Variants in CEP63 observed in about 807,000 individuals in gnomAD.
CEP63 encodes the protein centrosomal protein 63, also known as centrosomal protein of 63 kDa.
A neutral mutation model predicts 89.1 loss-of-function variants in CEP63; 84 were observed. The ratio of observed to expected loss-of-function variants is 0.94; its 90% CI spans 0.79 to 1.13. The LOEUF (loss-of-function observed/expected upper bound fraction) is 1.13, where lower values mean the gene tolerates loss of function less well. Among genes scored for constraint, CEP63 ranks in the 50% most tolerant of loss-of-function variants. CEP63 has a pLI of 0.00. For missense variants in CEP63, 838 were observed against 813.3 expected, an observed-to-expected ratio of 1.03 and a Z score of -0.37; for synonymous variants, 267 against 272.5, an observed-to-expected ratio of 0.98 and a Z score of 0.20.
Position 134,564,755 on chromosome 3 carries a change from A to C in CEP63, c.*3220A>C, listed in dbSNP as rs557042772. On this transcript the variant is annotated 3_prime_UTR_variant, in exon 15 of 15. Coordinates refer to ENST00000675561, the MANE Select transcript of CEP63 (RefSeq NM_001353108.3). ...GATTTCTGAGTTTTAGACAGTCCCA[A>C]GCTTCAGCTTAAAATCTGTAGACTG... is the stretch of plus-strand genomic sequence containing the variant. 1.0e-6 allele frequency: 1 copy of C among 985,330 alleles called. No individual in the cohort carries two copies. The highest frequency in any genetic ancestry group is 1.7e-5 in the African/African-American group (1 of 57,242). The allele number at this position is 985,330 out of a possible 1,614,324, so 61.0% of individuals were successfully genotyped here. A position where few individuals can be genotyped will look rare whatever the true frequency, so the allele number is the denominator to read the frequency against.
chr3:134,672,561 C>G, the CEP63 span, among the ~76,000 whole-genome samples: 1 of 152,148 alleles, frequency 6.6e-6, no homozygotes, highest in Non-Finnish European at 1.5e-5. Flanking sequence ...GGGGGAAAGG[C>G]AAATAATCAG....
chr3:134,603,799 A>G, the CEP63 span: 1 of 1,613,628 alleles, frequency 6.2e-7, no homozygotes, highest in Non-Finnish European at 8.5e-7. Context: ...GTTGGCAGGA[A>G]GCACACCTGA....
chr3:134,643,264 G>A, the CEP63 span: 1 of 1,574,898 alleles, frequency 6.3e-7, no homozygotes, highest in Non-Finnish European at 8.7e-7. Flanking sequence ...CAGAGCATCA[G>A]GTCTGGGCAC....
At chr3:134,638,640 T>TCCTTGCTTTTC in the CEP63 span, among the ~76,000 whole-genome samples, 2 of 152,228 alleles carry the variant, frequency 1.3e-5, no homozygotes, top group Non-Finnish European at 2.9e-5. Flanking sequence ...CCGCCAGCTC[T>TCCTTGCTTTTC]CCTTGCTTTT....
the CEP63 span, among the ~76,000 whole-genome samples, chr3:134,749,809 A>G: frequency 1.9e-5 from 2 of 103,916 alleles, no homozygotes; most frequent in Admixed American, 2.0e-4. Flanking sequence ...ATCATCATCT[A>G]GAGCCCAGAG....
intron 12 of CEP63, among the ~76,000 whole-genome samples, chr3:134,557,376 G>GTTTTTTTTATTTTTTTTTTTTTT (rs1956395384): frequency 9.9e-6 from 1 of 101,500 alleles, no homozygotes; most frequent in African/African-American, 4.9e-5. Flanking sequence ...TTCATAATTT[G>GTTTTTTTTATTTTTTTTTTTTTT]TTTTTTTTTT....
the CEP63 span, among the ~76,000 whole-genome samples, chr3:134,677,908 C>T: frequency 3.9e-5 from 6 of 151,928 alleles, no homozygotes; most frequent in Admixed American, 6.6e-5. Flanking sequence ...TCTCTCTCCA[C>T]GTCCCTATCA....
At chr3:134,500,784 T>C (rs1012301102) in intron 2 of CEP63, among the ~76,000 whole-genome samples, 1 of 152,232 alleles carries the variant, frequency 6.6e-6, no homozygotes, top group African/African-American at 2.4e-5. Context: ...TTCTGTAAGT[T>C]GTCAGTTCGC....
At chr3:134,656,584 T>C in the CEP63 span, among the ~76,000 whole-genome samples, 1 of 152,172 alleles carries the variant, frequency 6.6e-6, no homozygotes, top group African/African-American at 2.4e-5. Flanking sequence ...GAGAAGATGC[T>C]AGGCAAGGGT....
chr3:134,509,746 T>C (rs1274592997), intron 3 of CEP63, among the ~76,000 whole-genome samples: 1 of 152,182 alleles, frequency 6.6e-6, no homozygotes, highest in Non-Finnish European at 1.5e-5. Flanking sequence ...AAAGTTAAAC[T>C]CAATTGGATA....
the CEP63 span, among the ~76,000 whole-genome samples, chr3:134,763,957 C>T: frequency 6.6e-6 from 1 of 152,174 alleles, no homozygotes; most frequent in African/African-American, 2.4e-5. Flanking sequence ...GATGCCTCCC[C>T]TTTATACTCC....
At chr3:134,607,831 G>A in the CEP63 span, 44 of 987,520 alleles carry the variant, frequency 4.5e-5, no homozygotes, top group Non-Finnish European at 4.9e-5. Flanking sequence ...GGCTGGAAAC[G>A]GCTGGGTCCC....
chr3:134,610,092 C>T, the CEP63 span: 1 of 1,295,202 alleles, frequency 7.7e-7, no homozygotes, highest in Non-Finnish European at 1.1e-6. Context: ...CCTGGCTCTC[C>T]TTCCCCTCCC....
At chr3:134,548,970 T>G in intron 9 of CEP63, 92 bp from the exon 10 acceptor site, 1 of 763,362 alleles carries the variant, frequency 1.3e-6, no homozygotes, top group Admixed American at 1.9e-5. Flanking sequence ...TGGCTGGATA[T>G]TTTTTGGATA....
the CEP63 span, among the ~76,000 whole-genome samples, chr3:134,765,675 GGA>G: frequency 1.4e-4 from 22 of 152,342 alleles, no homozygotes; most frequent in Non-Finnish European, 2.6e-4. Context: ...TACTTAGTGG[GGA>G]GAGAGTCTGT....
chr3:134,607,040 A>G, the CEP63 span: 1 of 984,794 alleles, frequency 1.0e-6, no homozygotes, highest in Non-Finnish European at 1.2e-6. Context: ...GATTTCTATA[A>G]ATTAAGGAAT....
At chr3:134,608,859 G>T in the CEP63 span, 2 of 1,594,764 alleles carry the variant, frequency 1.3e-6, no homozygotes, top group Non-Finnish European at 1.7e-6. Flanking sequence ...AGACAAGCTG[G>T]TTAGCAGCCA....
chr3:134,639,319 A>C, the CEP63 span, among the ~76,000 whole-genome samples: 2 of 152,222 alleles, frequency 1.3e-5, no homozygotes, highest in East Asian at 3.9e-4. Flanking sequence ...GGTACTGCCA[A>C]ACACAGCATG....
At chr3:134,498,621 CTTG>C (rs1940940140) in intron 2 of CEP63, among the ~76,000 whole-genome samples, 1 of 152,102 alleles carries the variant, frequency 6.6e-6, no homozygotes, top group African/African-American at 2.4e-5. Flanking sequence ...AGTGGGCATC[CTTG>C]TTGTGTTCAG....
Sources: allele counts gnomAD v4.1 joint callset (sites outside exome capture counted in the v4.1 genomes callset), GRCh38; gene constraint gnomAD v4.1.1; transcripts MANE v1.5; gene names NCBI Gene and HGNC (gene_info 2026-07-23, HGNC 2026-07-21).